The following C10orf67 variants were observed in gnomAD, a reference collection of about 807,000 sequenced individuals.
The protein encoded by C10orf67 is uncharacterized protein C10orf67, mitochondrial.
In C10orf67, 60 loss-of-function variants were observed where a neutral mutation model predicts 35.6. The ratio of observed to expected loss-of-function variants is 1.68; its 90% CI spans 1.37 to 2.09. The LOEUF is 2.09. Ranked by LOEUF, C10orf67 falls within the 30% of genes most tolerant of loss-of-function variation. The probability of loss-of-function intolerance (pLI) is 0.00; values close to 1 mark genes in which losing one functional copy is unlikely to be tolerated. For missense variants in C10orf67, 474 were observed against 330.2 expected, an observed-to-expected ratio of 1.44 and a Z score of -3.38; for synonymous variants, 167 against 115.8, an observed-to-expected ratio of 1.44 and a Z score of -2.84.
At chr10:23,281,965 T>G (rs1372902456) in intron 8 of C10orf67, 48 bp downstream of exon 8, 2 of 537,282 alleles carry the variant, frequency 3.7e-6, no homozygotes, top group African/African-American at 2.0e-5. Context: ...ATGGTTAAAT[T>G]AAATTCCTGA....
At chr10:23,285,512 T>C (rs1843503239) in intron 7 of C10orf67, among the ~76,000 whole-genome samples, 1 of 150,624 alleles carries the variant, frequency 6.6e-6, no homozygotes, top group Admixed American at 6.6e-5. Flanking sequence ...TAATAATGTG[T>C]TTTTTATCCC....
intron 4 of C10orf67, among the ~76,000 whole-genome samples, chr10:23,309,491 T>C (rs1463569546): frequency 1.3e-5 from 2 of 152,226 alleles, no homozygotes; most frequent in Non-Finnish European, 2.9e-5. Context: ...CTTACCATTA[T>C]GCAATATACC....
At chr10:23,228,582 G>T (rs548742047) in intron 13 of C10orf67, among the ~76,000 whole-genome samples, 2 of 152,296 alleles carry the variant, frequency 1.3e-5, no homozygotes, top group Admixed American at 1.3e-4. Context: ...AGCCAAAATT[G>T]ATGAATGGGA....
chr10:23,334,905 T>C (rs1845616362), intron 1 of C10orf67, among the ~76,000 whole-genome samples: 1 of 152,008 alleles, frequency 6.6e-6, no homozygotes, highest in South Asian at 2.1e-4. Flanking sequence ...AAGATGGAAA[T>C]AGGTTGGGCG....
chr10:23,333,730 CT>C (rs1166837884), intron 1 of C10orf67, among the ~76,000 whole-genome samples: 2 of 152,196 alleles, frequency 1.3e-5, no homozygotes, highest in Non-Finnish European at 2.9e-5. Context: ...GAATTCAGCT[CT>C]CTTCCATTAA....
rs114772549 is a variant in C10orf67 at position 23,292,017 on chromosome 10, A to G, written c.703-738T>C. Reference sequence around the variant, plus strand: ...TAAGAAGGTTTCAGGATAACTTACAACAAAAGACTTTAAAGTTATAGTTTT... The same window carrying G: ...TAAGAAGGTTTCAGGATAACTTACAGCAAAAGACTTTAAAGTTATAGTTTT... On this transcript the variant is annotated intron_variant, in intron 5 of 15. Coordinates refer to ENST00000636213, the MANE Select transcript of C10orf67 (RefSeq NM_001371909.1). 2.8e-3 allele frequency among the ~76,000 whole-genome samples: 421 copies of G among 152,256 alleles called. 6 individuals are homozygous for G. The highest frequency in any genetic ancestry group is 9.7e-3 in the African/African-American group (401 of 41,540).
At chr10:23,331,868 C>T (rs1432844249) in intron 2 of C10orf67, among the ~76,000 whole-genome samples, 3 of 152,064 alleles carry the variant, frequency 2.0e-5, no homozygotes, top group African/African-American at 7.2e-5. Context: ...GTCATTTGGA[C>T]ACACTTAGTT....
At chr10:23,232,552 A>G (rs998824568) in intron 13 of C10orf67, among the ~76,000 whole-genome samples, 5 of 152,188 alleles carry the variant, frequency 3.3e-5, no homozygotes, top group African/African-American at 1.2e-4. Context: ...GGATAAATCA[A>G]CAAAGTTGCT....
chr10:23,307,609 T>G (rs1564501842), intron 4 of C10orf67, among the ~76,000 whole-genome samples: 1 of 58,386 alleles, frequency 1.7e-5, no homozygotes, highest in East Asian at 2.9e-3. Flanking sequence ...TTTTATTTAG[T>G]TTTTTTTTTT....
chr10:23,316,006 GC>G (rs1844693884), intron 4 of C10orf67, among the ~76,000 whole-genome samples: 1 of 152,078 alleles, frequency 6.6e-6, no homozygotes, highest in Non-Finnish European at 1.5e-5. Context: ...GTGTTGCTTT[GC>G]CAGCCAGAAA....
chr10:23,344,398 G>T (rs961806695), intron 1 of C10orf67, 171 bp downstream of exon 1: 3 of 676,340 alleles, frequency 4.4e-6, no homozygotes, highest in Non-Finnish European at 7.4e-6. Flanking sequence ...ACCCCGCTGC[G>T]CTTTCACTGT....
chr10:23,327,583 T>C (rs912502689), intron 2 of C10orf67, among the ~76,000 whole-genome samples: 4 of 152,256 alleles, frequency 2.6e-5, no homozygotes, highest in East Asian at 3.9e-4. Flanking sequence ...TCCCAGCACT[T>C]TGTGGGGCTG....
intron 12 of C10orf67, among the ~76,000 whole-genome samples, chr10:23,249,131 CAAAAAAAAA>C (rs57702096): frequency 6.5e-4 from 14 of 21,548 alleles, no homozygotes; most frequent in Non-Finnish European, 1.3e-3. Flanking sequence ...AACTCCCTCT[CAAAAAAAAA>C]AAAAAAAAAA....
chr10:23,273,118 G>A lies in C10orf67; in HGVS notation c.976-5864C>T, dbSNP rs187260005. On this transcript the variant is annotated intron_variant, in intron 8 of 15. Transcript: ENST00000636213. ...GATTTCCTATAGAGATGATCATGTC[G>A]TCTGGGAATTTAAAAAGTTCTACCT... Among the ~76,000 whole-genome samples, 35 of 152,202 alleles carry A rather than the reference G, an allele frequency of 2.3e-4. 1 individual carries two copies. The highest frequency in any genetic ancestry group is 5.8e-4 in the East Asian group (3 of 5,180).
chr10:23,314,141 C>T (rs368876202), intron 4 of C10orf67, among the ~76,000 whole-genome samples: 7 of 151,952 alleles, frequency 4.6e-5, no homozygotes, highest in African/African-American at 1.2e-4. Flanking sequence ...TGAGCAGAGA[C>T]GGTGCCACTG....
chr10:23,318,593 A>G (rs1238021403), intron 4 of C10orf67: 2 of 294,872 alleles, frequency 6.8e-6, no homozygotes, highest in African/African-American at 4.3e-5. Flanking sequence ...CCACCTCTTG[A>G]TGGGAGAGAA....
intron 6 of C10orf67, among the ~76,000 whole-genome samples, chr10:23,290,923 G>A (rs1045887008): frequency 2.6e-4 from 39 of 152,292 alleles, no homozygotes; most frequent in African/African-American, 9.1e-4. Context: ...CTGAATTAAC[G>A]TGACATGGCT....
chr10:23,269,511 A>T (rs1038833718), intron 8 of C10orf67, among the ~76,000 whole-genome samples: 1 of 152,208 alleles, frequency 6.6e-6, no homozygotes, highest in African/African-American at 2.4e-5. Flanking sequence ...TATAGAAAAT[A>T]AATAACGAAA....
At chr10:23,223,872 T>C (rs1841659168) in intron 13 of C10orf67, 54 bp from the exon 14 acceptor site, 1 of 708,324 alleles carries the variant, frequency 1.4e-6, no homozygotes, top group Non-Finnish European at 2.6e-6. Context: ...AATAGTCAAA[T>C]CAAATGGACG....
Sources: gnomAD v4.1 joint callset for allele counts (sites outside exome capture counted in the v4.1 genomes callset) on GRCh38, gnomAD v4.1.1 for gene constraint, MANE v1.5 for transcripts, NCBI Gene and HGNC (gene_info 2026-07-23, HGNC 2026-07-21) for gene names.